BAZ2B: variants seen among roughly 807,000 people sequenced by gnomAD.
BAZ2B encodes bromodomain adjacent to zinc finger domain 2B.
Under a neutral mutation model 246.0 loss-of-function variants are expected in BAZ2B, and 91 were observed. The observed-to-expected ratio is 0.37, with a 90% CI of 0.31 to 0.44. The LOEUF is 0.44. Ranked by LOEUF, BAZ2B falls within the 20% of genes least tolerant of loss-of-function variation. The pLI is 1.00. For missense variants in BAZ2B, 2,332 were observed against 2,533.7 expected (o/e 0.92, Z 1.71); for synonymous variants, 855 against 860.0 (o/e 0.99, Z 0.10).
the BAZ2B span, among the ~76,000 whole-genome samples, chr2:159,678,784 C>G: frequency 6.6e-6 from 1 of 152,218 alleles, no homozygotes; most frequent in Non-Finnish European, 1.5e-5. Context: ...CAGAACACCT[C>G]TATCACATAC....
At chr2:159,516,515 C>T (rs1296852108) in intron 2 of BAZ2B, 3 of 152,438 alleles carry the variant, frequency 2.0e-5, no homozygotes. Flanking sequence ...CACCTAAAAT[C>T]TACCTAACAC....
At chr2:159,689,766 T>A in the BAZ2B span, 1 of 503,898 alleles carries the variant, frequency 2.0e-6, no homozygotes, top group Non-Finnish European at 3.6e-6. Flanking sequence ...GGAATCAATT[T>A]ATTGACCACT....
chr2:159,483,210 T>C (rs1160667706), intron 2 of BAZ2B, among the ~76,000 whole-genome samples: 1 of 152,174 alleles, frequency 6.6e-6, no homozygotes, highest in African/African-American at 2.4e-5. Flanking sequence ...TGGTCATTTT[T>C]TTTTGAGAAC....
At chr2:159,633,455 CCATGTTTG>C in the BAZ2B span, among the ~76,000 whole-genome samples, 1 of 152,170 alleles carries the variant, frequency 6.6e-6, no homozygotes, top group East Asian at 1.9e-4. Flanking sequence ...AGTGATTAAA[CCATGTTTG>C]CATCATAGGT....
At chr2:159,366,652 C>T (rs1282008987) in intron 27 of BAZ2B, among the ~76,000 whole-genome samples, 4 of 152,202 alleles carry the variant, frequency 2.6e-5, no homozygotes, top group African/African-American at 7.2e-5. Flanking sequence ...AGCCTGGGAT[C>T]ATATCACTGA....
chr2:159,375,861 C>T (rs2061359469), intron 25 of BAZ2B, among the ~76,000 whole-genome samples: 1 of 152,120 alleles, frequency 6.6e-6, no homozygotes, highest in Admixed American at 6.5e-5. Flanking sequence ...CTGATACTAT[C>T]AACTGAAGGA....
chr2:159,539,221 T>C (rs2086368275), intron 2 of BAZ2B, among the ~76,000 whole-genome samples: 1 of 152,228 alleles, frequency 6.6e-6, no homozygotes, highest in African/African-American at 2.4e-5. Context: ...CAGTAGAAGA[T>C]AAGCTCCTAA....
chr2:159,694,746 T>A, the BAZ2B span: 1 of 152,240 alleles, frequency 6.6e-6, no homozygotes, highest in Non-Finnish European at 1.5e-5. Context: ...GTTGCACATT[T>A]CAGTTGTTTC....
At chr2:159,489,815 A>C (rs1198219826) in intron 2 of BAZ2B, among the ~76,000 whole-genome samples, 3 of 152,176 alleles carry the variant, frequency 2.0e-5, no homozygotes, top group Non-Finnish European at 4.4e-5. Context: ...TGGGAGGCTG[A>C]GGCAGGAGGA....
In BAZ2B at chr2:159,432,788, A is replaced by C. The variant is rs758817925; in HGVS notation, c.1869T>G (p.Asp623Glu). Residue 623 changes from aspartate to glutamate, a missense_variant, in exon 9 of 37, where the codon GAT becomes GAG. Asp to Glu is a conservative substitution (Grantham distance 45). Coordinates refer to ENST00000392783, the MANE Select transcript of BAZ2B (RefSeq NM_013450.4). Reference sequence around the variant, plus strand: ...GGCTGTCATCAGATTCATCATCTTCATCATCTTCCTCATCTTCTTCTTCAT... The same window carrying C: ...GGCTGTCATCAGATTCATCATCTTCCTCATCTTCCTCATCTTCTTCTTCAT... ...EDDEEEDEED[D>E]EDDESDDSQS... 1.2e-6 allele frequency: 2 copies of C among 1,613,180 alleles called. No individual in the cohort carries two copies. Among genetic ancestry groups the C allele is most frequent in the Non-Finnish European group, 1.7e-6 (2 of 1,179,276 alleles).
chr2:159,639,481 T>C, the BAZ2B span, among the ~76,000 whole-genome samples: 1 of 152,166 alleles, frequency 6.6e-6, no homozygotes, highest in Non-Finnish European at 1.5e-5. Context: ...CAAGCATTTC[T>C]AGACATAGAC....
the BAZ2B span, among the ~76,000 whole-genome samples, chr2:159,704,562 G>T: frequency 6.8e-6 from 1 of 146,430 alleles, no homozygotes; most frequent in Non-Finnish European, 1.5e-5. Flanking sequence ...AGCTCACTGC[G>T]ACCTCCACCT....
intron 3 of BAZ2B, among the ~76,000 whole-genome samples, chr2:159,455,516 A>C (rs1018307520): frequency 6.6e-6 from 1 of 152,062 alleles, no homozygotes; most frequent in Admixed American, 6.6e-5. Flanking sequence ...AAGATCCTCA[A>C]AGTATCTTTA....
At chr2:159,674,292 AC>A in the BAZ2B span, among the ~76,000 whole-genome samples, 1 of 149,130 alleles carries the variant, frequency 6.7e-6, no homozygotes, top group African/African-American at 2.5e-5. Flanking sequence ...CTGTGATCAC[AC>A]CATTGCACTC....
intron 2 of BAZ2B, among the ~76,000 whole-genome samples, chr2:159,548,262 TAAA>T (rs1286883646): frequency 6.6e-6 from 1 of 152,204 alleles, no homozygotes; most frequent in Non-Finnish European, 1.5e-5. Context: ...TGGAAATTCT[TAAA>T]AAGATTTTCA....
chr2:159,361,959 G>A (rs1053590133), intron 27 of BAZ2B, among the ~76,000 whole-genome samples: 2 of 151,582 alleles, frequency 1.3e-5, no homozygotes, highest in African/African-American at 4.9e-5. Flanking sequence ...CTGTCGGGGG[G>A]GTGAGGGTCT....
intron 2 of BAZ2B, among the ~76,000 whole-genome samples, chr2:159,551,620 C>G (rs914344926): frequency 6.6e-6 from 1 of 151,750 alleles, no homozygotes; most frequent in Non-Finnish European, 1.5e-5. Flanking sequence ...TGCAAAAATA[C>G]GCTCAGAGAA....
At chr2:159,687,328 G>A in the BAZ2B span, among the ~76,000 whole-genome samples, 1 of 152,156 alleles carries the variant, frequency 6.6e-6, no homozygotes, top group African/African-American at 2.4e-5. Context: ...TCAAGATAGA[G>A]GCTGGTTGCC....
Position 159,350,276 on chromosome 2 carries a change from G to C in BAZ2B, c.4295C>G (p.Ser1432Cys). 1 of 1,610,424 alleles carries C rather than the reference G, an allele frequency of 6.2e-7. No individual in the cohort carries two copies. Among genetic ancestry groups the C allele is most frequent in the Non-Finnish European group, 8.5e-7 (1 of 1,178,044 alleles). Residue 1432 changes from serine to cysteine, a missense_variant, in exon 28 of 37, where the codon TCT becomes TGT. Physicochemically the swap from Ser to Cys is moderately radical, Grantham distance 112. Around this residue, in one of 9 missense-constraint regions of BAZ2B, gnomAD observed 676 missense variants for 668.6 expected, o/e 1.01. Coordinates refer to ENST00000392783, the MANE Select transcript of BAZ2B (RefSeq NM_013450.4). ...ATTTGAACAATTTAAACTGTCCCCA[G>C]AAGTCTCAAACATTTCTTCTTTGAT... ...VQIKEEMFETSGDSLNCSNTD... is the reference protein window; with the variant it reads ...VQIKEEMFETCGDSLNCSNTD...
Sources: allele counts gnomAD v4.1 joint callset (sites outside exome capture counted in the v4.1 genomes callset), GRCh38; gene constraint gnomAD v4.1.1; regional missense constraint gnomAD v4.1.1; transcripts MANE v1.5; gene names NCBI Gene and HGNC (gene_info 2026-07-23, HGNC 2026-07-21).